Variants in LRRC42 observed in about 807,000 individuals in gnomAD.
LRRC42 encodes the protein leucine-rich repeat-containing protein 42.
A neutral mutation model predicts 44.3 loss-of-function variants in LRRC42; 43 were observed. That is an observed-to-expected ratio of 0.97 (90% CI 0.76 to 1.25). The LOEUF (loss-of-function observed/expected upper bound fraction) is 1.25, where lower values mean the gene tolerates loss of function less well. Ranked by LOEUF, LRRC42 falls within the 50% of genes most tolerant of loss-of-function variation. LRRC42 has a pLI of 0.00. For synonymous variants in LRRC42, 207 were observed against 195.2 expected (o/e 1.06, Z -0.50); for missense variants, 540 against 509.1 (o/e 1.06, Z -0.58).
Position 53,962,170 on chromosome 1 carries a change from A to G in LRRC42, c.813+48A>G, listed in dbSNP as rs1053006198. ...TCATTTTTCTAGACTCAACAATTTG[A>G]TATTTTGCCTGTGCTAATTGGTATT... On this transcript the variant is annotated intron_variant, in intron 6 of 8. Coordinates refer to ENST00000371370, the MANE Select transcript of LRRC42 (RefSeq NM_001256409.2). The G allele has an allele frequency of 2.6e-6, 4 of 1,533,800 alleles. No homozygotes were observed. The East Asian group carries it at 6.7e-5, about 26-fold the overall frequency.
intron 7 of LRRC42, among the ~76,000 whole-genome samples, chr1:53,965,008 G>GTT (rs548333281): frequency 6.2e-5 from 7 of 112,812 alleles, no homozygotes; most frequent in Non-Finnish European, 8.1e-5. Flanking sequence ...GTTTTTTTTT[G>GTT]TTTTTTTTTT....
intron 3 of LRRC42, among the ~76,000 whole-genome samples, chr1:53,952,783 CTT>C (rs1163337799): frequency 3.3e-5 from 5 of 152,188 alleles, no homozygotes; most frequent in Admixed American, 6.5e-5. Flanking sequence ...CCAAATATCT[CTT>C]GATACGCTCT....
At chr1:53,966,263 G>T (rs368566492) in intron 7 of LRRC42, 33 bp from the exon 8 acceptor site, 137 of 1,542,206 alleles carry the variant, frequency 8.9e-5, no homozygotes, top group Middle Eastern at 3.4e-4. Context: ...TCAATATTTT[G>T]TTTGGATTCA....
Position 53,952,490 on chromosome 1 carries a change from A to T in LRRC42, c.473+18A>T. The T allele has an allele frequency of 1.9e-6, 3 of 1,559,324 alleles. No homozygotes were observed. The highest frequency in any genetic ancestry group is 1.4e-5 in the African/African-American group (1 of 73,376). ...CGAAACAGGTGGGTGTTCTGATTAG[A>T]TTATTCGGTATTTTATTGGGTGTGT... On this transcript the variant is annotated intron_variant, in intron 3 of 8. Coordinates refer to ENST00000371370, the MANE Select transcript of LRRC42 (RefSeq NM_001256409.2).
intron 2 of LRRC42, among the ~76,000 whole-genome samples, chr1:53,949,808 A>T (rs1262242661): frequency 6.6e-6 from 1 of 152,162 alleles, no homozygotes; most frequent in Non-Finnish European, 1.5e-5. Flanking sequence ...TGCCTCTGCC[A>T]CCTGCAGAAG....
chr1:53,961,999 T>C (rs1401938898), intron 5 of LRRC42, 35 bp from the exon 6 acceptor site: 4 of 1,452,954 alleles, frequency 2.8e-6, no homozygotes, highest in African/African-American at 2.8e-5. Flanking sequence ...AGCATTTATA[T>C]TGTGACAGAA....
At chr1:53,955,518 G>T (rs1445212578) in intron 3 of LRRC42, among the ~76,000 whole-genome samples, 1 of 151,726 alleles carries the variant, frequency 6.6e-6, no homozygotes, top group Non-Finnish European at 1.5e-5. Context: ...GGCTGGTTTC[G>T]AACTGCTGAC....
intron 3 of LRRC42, among the ~76,000 whole-genome samples, chr1:53,957,079 A>G (rs1304157671): frequency 6.6e-6 from 1 of 152,154 alleles, no homozygotes; most frequent in South Asian, 2.1e-4. Flanking sequence ...GATTAGTTTG[A>G]GTACATCTTT....
At position 53,952,439 on chromosome 1, in the gene LRRC42, G is replaced by T. The variant is rs763808906; in HGVS notation, c.440G>T (p.Ser147Ile). The stretch of plus-strand genomic sequence containing the variant: ...CAGAAATTCACTGAGGCCTATGGAA[G>T]TTTGGTGCTTTGCTCCCTGTGTTTG... Reference protein sequence around the residue: ...ALQKFTEAYGSLVLCSLCLRN... With the variant: ...ALQKFTEAYGILVLCSLCLRN... The change falls in exon 3 of 9, where the codon AGT (serine) becomes ATT (isoleucine). Residue 147 changes from serine (S) to isoleucine (I), a missense_variant. Transcript: ENST00000371370. 6.2e-7 allele frequency: 1 copy of T among 1,603,328 alleles called. No homozygotes were observed. The highest frequency in any genetic ancestry group is 1.3e-5 in the African/African-American group (1 of 74,836).
In LRRC42 at chr1:53,960,494, A is replaced by T; in HGVS notation, c.724+20A>T. 2 of 1,500,714 alleles carry T rather than the reference A, an allele frequency of 1.3e-6. No homozygotes were observed. Among genetic ancestry groups the T allele is most frequent in the Non-Finnish European group, 1.8e-6 (2 of 1,081,916 alleles). 93.0% of individuals were successfully genotyped at this position (1,500,714 alleles called of 1,614,324 possible). On this transcript the variant is annotated intron_variant, in intron 5 of 8. Coordinates refer to ENST00000371370, the MANE Select transcript of LRRC42 (RefSeq NM_001256409.2). ...TATCATGTAAGTTTTCTTCGAAATT[A>T]TAGATTATTTTAATGTTGGAAGAAT...
intron 3 of LRRC42, among the ~76,000 whole-genome samples, chr1:53,956,101 T>G (rs1654830325): frequency 6.6e-6 from 1 of 152,174 alleles, no homozygotes; most frequent in Non-Finnish European, 1.5e-5. Context: ...GTAGCTGCAG[T>G]CCAAGAGGTT....
At chr1:53,966,254 C>G (rs1353596138) in intron 7 of LRRC42, 42 bp from the exon 8 acceptor site, 1 of 1,484,908 alleles carries the variant, frequency 6.7e-7, no homozygotes, top group Non-Finnish European at 9.4e-7. Flanking sequence ...ATTAAAATCT[C>G]AATATTTTGT....
intron 2 of LRRC42, among the ~76,000 whole-genome samples, chr1:53,951,112 C>T (rs190711408): frequency 5.3e-5 from 8 of 152,310 alleles, no homozygotes. Flanking sequence ...ATAAATACAA[C>T]AGTGCACCGA....
chr1:53,952,172 A>G lies in LRRC42; in HGVS notation c.173A>G (p.Asn58Ser). Residue 58 changes from asparagine (N) to serine (S), a missense_variant, in exon 3 of 9, where the codon AAC (asparagine) becomes AGC (serine). Asn to Ser is a conservative substitution (Grantham distance 46). Transcript: ENST00000371370. The stretch of plus-strand genomic sequence containing the variant: ...GGCTTTTCTGTGGAGCTTTGCATGA[A>G]CAGGGAAGACGACACTGCACGGAAA... ...PKGFSVELCM[N>S]REDDTARKEK... 1 of 1,614,204 alleles carries G rather than the reference A, an allele frequency of 6.2e-7. No individual in the cohort carries two copies. Among genetic ancestry groups the G allele is most frequent in the Non-Finnish European group, 8.5e-7 (1 of 1,179,994 alleles).
At chr1:53,958,525 A>G (rs1056572310) in intron 4 of LRRC42, among the ~76,000 whole-genome samples, 13 of 152,148 alleles carry the variant, frequency 8.5e-5, no homozygotes, top group African/African-American at 3.1e-4. Context: ...TTTTATTTTA[A>G]TATGTAATAC....
intron 7 of LRRC42, among the ~76,000 whole-genome samples, chr1:53,964,385 T>C (rs1309665258): frequency 1.3e-5 from 2 of 152,164 alleles, no homozygotes; most frequent in African/African-American, 4.8e-5. Context: ...AGGATGACTC[T>C]GCATTCCTCT....
intron 3 of LRRC42, among the ~76,000 whole-genome samples, chr1:53,954,646 G>A (rs189406009): frequency 1.8e-3 from 270 of 152,150 alleles, no homozygotes; most frequent in African/African-American, 6.3e-3. Context: ...TGTACAACTC[G>A]TATTCTGTTT....
intron 7 of LRRC42, 104 bp from the exon 8 acceptor site, chr1:53,966,192 G>T: frequency 1.2e-6 from 1 of 818,066 alleles, no homozygotes; most frequent in Non-Finnish European, 2.0e-6. Context: ...AAATTTACCA[G>T]AGGGGTTTGT....
At chr1:53,961,874 G>T in intron 5 of LRRC42, 160 bp from the exon 6 acceptor site, 1 of 593,886 alleles carries the variant, frequency 1.7e-6, no homozygotes. Flanking sequence ...ATTACAAATA[G>T]TAAAGATCAG....
Sources: allele counts gnomAD v4.1 joint callset (sites outside exome capture counted in the v4.1 genomes callset), GRCh38; gene constraint gnomAD v4.1.1; transcripts MANE v1.5; gene names NCBI Gene and HGNC (gene_info 2026-07-23, HGNC 2026-07-21).